IFNLR1: variants seen among roughly 807,000 people sequenced by gnomAD.
IFNLR1 encodes interferon lambda receptor 1, also known as CRF2-12.
Under a neutral mutation model 52.5 loss-of-function variants are expected in IFNLR1, and 28 were observed. The observed-to-expected ratio is 0.53, with a 90% CI of 0.40 to 0.73. The LOEUF (loss-of-function observed/expected upper bound fraction) is 0.73. Among genes scored for constraint, IFNLR1 ranks in the 30% least tolerant of loss-of-function variants. The pLI, the probability that IFNLR1 is intolerant of heterozygous loss-of-function variation, is 0.00. For synonymous variants in IFNLR1, 276 were observed against 274.9 expected, an observed-to-expected ratio of 1.00 and a Z score of -0.04; for missense variants, 623 against 659.1, an observed-to-expected ratio of 0.95 and a Z score of 0.60.
At chr1:24,161,476 G>T in intron 4 of IFNLR1, 66 bp downstream of exon 4, 1 of 1,540,128 alleles carries the variant, frequency 6.5e-7, no homozygotes, top group Non-Finnish European at 8.8e-7. Context: ...GGGAGGGTGA[G>T]AAGAACCTGA....
At position 24,159,427 on chromosome 1, in the gene IFNLR1, C is replaced by G. The variant is rs369494510; in HGVS notation, c.670+47G>C. 5 of 1,575,896 alleles carry G rather than the reference C, an allele frequency of 3.2e-6. No individual in the cohort carries two copies. The African/African-American group carries it at 5.4e-5, about 17-fold the overall frequency. On this transcript the variant is annotated intron_variant, in intron 5 of 6. Coordinates refer to ENST00000327535, the MANE Select transcript of IFNLR1 (RefSeq NM_170743.4). ...CTTAACCACTGTGTCACGAAGCTCC[C>G]AAGGCCCAGAGGGAAAGTTTCTCTT...
chr1:24,164,271 T>G (rs1242006862), intron 3 of IFNLR1, among the ~76,000 whole-genome samples: 1 of 152,228 alleles, frequency 6.6e-6, no homozygotes, highest in Non-Finnish European at 1.5e-5. Flanking sequence ...AGCTTCTGGT[T>G]TCACCGTCTG....
In IFNLR1 at chr1:24,157,840, C is replaced by G; in HGVS notation, c.853G>C (p.Glu285Gln). 6.2e-7 allele frequency: 1 copy of G among 1,612,234 alleles called. No homozygotes were observed. Among genetic ancestry groups the G allele is most frequent in the Non-Finnish European group, 8.5e-7 (1 of 1,179,126 alleles). ...CAGAGGAACAAGTCATTCACGGACT[C>G]TGGTCTGCTGGGCTGAAAGGTTGCC... ...PVATFQPSRP[E>Q]SVNDLFLCPQ... The change falls in exon 7 of 7, where the codon GAG (glutamate) becomes CAG (glutamine). Residue 285 changes from glutamate (E) to glutamine (Q), a missense_variant. Transcript: ENST00000327535. This position sits in a 1 kb window ranked among gnomAD's most constrained non-coding sequence, Gnocchi z 5.1.
chr1:24,161,452 T>C (rs1360377035), intron 4 of IFNLR1, 90 bp downstream of exon 4: 1 of 1,437,104 alleles, frequency 7.0e-7, no homozygotes, highest in African/African-American at 1.4e-5. Context: ...GGAGGAGGGG[T>C]GCAGGAGCAG....
intron 1 of IFNLR1, among the ~76,000 whole-genome samples, chr1:24,182,441 T>C (rs1283504763): frequency 1.3e-5 from 2 of 152,228 alleles, no homozygotes; most frequent in Non-Finnish European, 2.9e-5. Context: ...ATTTCATTTT[T>C]GTATTCACAT....
chr1:24,164,857 G>C (rs1162906289), intron 3 of IFNLR1, among the ~76,000 whole-genome samples: 1 of 151,494 alleles, frequency 6.6e-6, no homozygotes, highest in African/African-American at 2.4e-5. Flanking sequence ...CCGCCTCTTG[G>C]GTTCAAGTGA....
At chr1:24,164,470 A>G (rs767191995) in intron 3 of IFNLR1, among the ~76,000 whole-genome samples, 12 of 152,160 alleles carry the variant, frequency 7.9e-5, no homozygotes, top group East Asian at 3.8e-4. Flanking sequence ...CGGGTCTCCT[A>G]TGGATGTCAT....
intron 1 of IFNLR1, 122 bp from the exon 2 acceptor site, chr1:24,180,976 C>G (rs1388003757): frequency 2.1e-4 from 210 of 1,008,746 alleles, no homozygotes; most frequent in Non-Finnish European, 8.1e-5. Flanking sequence ...GAACCAGGAG[C>G]CACTGACTGG....
At chr1:24,182,546 T>C (rs1375870160) in intron 1 of IFNLR1, among the ~76,000 whole-genome samples, 1 of 152,366 alleles carries the variant, frequency 6.6e-6, no homozygotes, top group South Asian at 2.1e-4. Context: ...ACTATGTGCA[T>C]ATTTATACCT....
chr1:24,187,198 G>T lies in IFNLR1; in HGVS notation c.51C>A (p.Ala17=). The change falls in exon 1 of 7, where the codon GCC becomes GCA. Residue 17 remains alanine, a synonymous_variant. Coordinates refer to ENST00000327535, the MANE Select transcript of IFNLR1 (RefSeq NM_170743.4). ...GCGGCCCCGCGCCCTTACCTGGAGCGGCCTGCAGCAGGCACAGGAGCAGGG... is the reference window on the plus strand; with the variant it reads ...GCGGCCCCGCGCCCTTACCTGGAGCTGCCTGCAGCAGGCACAGGAGCAGGG... ...WGPLLLCLLQ[A]APGRPRLAPP... 2.2e-6 allele frequency: 3 copies of T among 1,342,482 alleles called. No homozygotes were observed. Among genetic ancestry groups the T allele is most frequent in the Non-Finnish European group, 2.9e-6 (3 of 1,046,778 alleles). The allele number at this position is 1,342,482 out of a possible 1,614,324, so 83.2% of individuals were successfully genotyped here.
At chr1:24,182,319 G>T (rs1346281767) in intron 1 of IFNLR1, among the ~76,000 whole-genome samples, 1 of 152,094 alleles carries the variant, frequency 6.6e-6, no homozygotes, top group African/African-American at 2.4e-5. Context: ...CCCTAATTTA[G>T]CTGGAGGCGA....
At chr1:24,183,203 C>G (rs917339874) in intron 1 of IFNLR1, among the ~76,000 whole-genome samples, 10 of 152,044 alleles carry the variant, frequency 6.6e-5, no homozygotes, top group Non-Finnish European at 1.3e-4. Context: ...AAGGTCATTG[C>G]TCTATCAATA....
At chr1:24,176,076 C>T (rs558672727) in intron 2 of IFNLR1, among the ~76,000 whole-genome samples, 2 of 152,234 alleles carry the variant, frequency 1.3e-5, no homozygotes, top group African/African-American at 2.4e-5. Flanking sequence ...GAACTGGAAG[C>T]AACCCAAATA....
intron 3 of IFNLR1, among the ~76,000 whole-genome samples, chr1:24,163,165 T>A (rs1461105548): frequency 6.6e-6 from 1 of 151,878 alleles, no homozygotes; most frequent in East Asian, 1.9e-4. Flanking sequence ...TTTCACCATG[T>A]TGGCCAGGCT....
chr1:24,171,861 G>T (rs1225874203), intron 2 of IFNLR1, among the ~76,000 whole-genome samples: 2 of 151,700 alleles, frequency 1.3e-5, no homozygotes, highest in East Asian at 3.9e-4. Context: ...TTACCATGTT[G>T]CCCAGGCTGG....
chr1:24,156,888 G>T lies in IFNLR1; in HGVS notation c.*242C>A. 1 of 552,582 alleles carries T rather than the reference G, an allele frequency of 1.8e-6. No homozygotes were observed. Among genetic ancestry groups the T allele is most frequent in the South Asian group, 2.4e-5 (1 of 41,508 alleles). 34.2% of individuals were successfully genotyped at this position (552,582 alleles called of 1,614,324 possible). A position where few individuals can be genotyped will look rare whatever the true frequency, so the allele number is the denominator to read the frequency against. On this transcript the variant is annotated 3_prime_UTR_variant, in exon 7 of 7. Transcript: ENST00000327535. The stretch of plus-strand genomic sequence containing the variant: ...GGGTGATGACACCCCACCAACCTCT[G>T]ACCTCAGCCCACCCTGTGTCCACCC...
In IFNLR1 at chr1:24,159,650, C is replaced by T. The variant is rs374499264; in HGVS notation, c.511-17G>A. ...AAATAGGGTCTGTTTGGAAAAGAAG[C>T]AGAGAGTGGCAGAGCTGCTGTGGGG... On this transcript the variant is annotated splice_polypyrimidine_tract_variant and intron_variant, in intron 4 of 6. Transcript: ENST00000327535. 33 of 1,612,326 alleles carry T rather than the reference C, an allele frequency of 2.0e-5. 1 individual carries two copies. In the South Asian group the frequency reaches 3.1e-4, roughly 15 times the overall value.
intron 2 of IFNLR1, 62 bp from the exon 3 acceptor site, chr1:24,169,663 G>A: frequency 6.6e-7 from 1 of 1,511,204 alleles, no homozygotes. Flanking sequence ...AGGGAACTTA[G>A]AGAACAGTTG....
chr1:24,169,557 C>T lies in IFNLR1; in HGVS notation c.227G>A (p.Gly76Glu), dbSNP rs1644556963. The change falls in exon 3 of 7, where the codon GGA becomes GAA. Residue 76 changes from glycine to glutamate, a missense_variant. By Grantham distance (98) the Gly-to-Glu change is moderately conservative (BLOSUM62 -2). Coordinates refer to ENST00000327535, the MANE Select transcript of IFNLR1 (RefSeq NM_170743.4). ...RRWREVEECA[G>E]TKELLCSMMC... ...CATAGAACATAGCAGCTCCTTGGTT[C>T]CCGCACACTCTTCCACTTCGCGCCA... The T allele has an allele frequency of 1.2e-6, 2 of 1,614,190 alleles. No homozygotes were observed. The highest frequency in any genetic ancestry group is 2.7e-5 in the African/African-American group (2 of 75,060).
Sources: allele counts gnomAD v4.1 joint callset (sites outside exome capture counted in the v4.1 genomes callset), GRCh38; gene constraint gnomAD v4.1.1; non-coding constraint Gnocchi (gnomAD v3.1); transcripts MANE v1.5; gene names NCBI Gene and HGNC (gene_info 2026-07-23, HGNC 2026-07-21).